Variants in ANKIB1 observed in about 807,000 individuals in gnomAD.
ANKIB1 encodes ankyrin repeat and IBR domain containing 1.
ANKIB1 carries 43 observed loss-of-function variants against 122.1 expected under a neutral mutation model. That is an observed-to-expected ratio of 0.35 (90% confidence interval 0.28 to 0.45). The LOEUF is 0.45. Among genes scored for constraint, ANKIB1 ranks in the 20% least tolerant of loss-of-function variants. ANKIB1 has a pLI of 1.00. For synonymous variants in ANKIB1, 390 were observed against 442.0 expected (o/e 0.88, Z 1.48); for missense variants, 992 against 1,329.5 (o/e 0.75, Z 3.95).
chr7:92,346,519 A>G (rs1803542926), intron 7 of ANKIB1, among the ~76,000 whole-genome samples: 2 of 152,194 alleles, frequency 1.3e-5, no homozygotes, highest in African/African-American at 4.8e-5. Context: ...GTTCCTTTTA[A>G]GACATAGACT....
At chr7:92,272,252 G>C (rs1801812121) in intron 1 of ANKIB1, among the ~76,000 whole-genome samples, 1 of 152,100 alleles carries the variant, frequency 6.6e-6, no homozygotes. Flanking sequence ...TAGCTATGGA[G>C]ATCCATGGGA....
rs1207135040 is a variant in ANKIB1 at position 92,328,395 on chromosome 7, A to T, written c.787+495A>T. On this transcript the variant is annotated intron_variant, in intron 5 of 19. Transcript: ENST00000265742. ...AGTTAAAGGGTCACCTTGGAAATAT[A>T]TTGTCCCTTTTAAGGGTGGTTTTCT... 2.6e-5 allele frequency among the ~76,000 whole-genome samples: 4 copies of T among 152,244 alleles called. No homozygotes were observed. The East Asian group carries it at 7.7e-4, about 29-fold the overall frequency.
chr7:92,300,152 A>T lies in ANKIB1; in HGVS notation c.188+4986A>T, dbSNP rs373196929. 3.2e-4 allele frequency among the ~76,000 whole-genome samples: 48 copies of T among 152,258 alleles called. 1 individual carries two copies. Among genetic ancestry groups the T allele is most frequent in the African/African-American group, 9.9e-4 (41 of 41,546 alleles). On this transcript the variant is annotated intron_variant, in intron 2 of 19. Coordinates refer to ENST00000265742, the MANE Select transcript of ANKIB1 (RefSeq NM_019004.2). ...ATAAGGGTCTTGTTAACCTAAAATA[A>T]TATAAGAACTGCTGATCTGGTTCCT...
intron 1 of ANKIB1, among the ~76,000 whole-genome samples, chr7:92,262,242 T>C (rs961417724): frequency 2.6e-5 from 4 of 152,242 alleles, no homozygotes; most frequent in African/African-American, 7.2e-5. Flanking sequence ...TAAGATTCCA[T>C]ATCTATAGCT....
At chr7:92,317,811 A>G (rs1373216076) in intron 3 of ANKIB1, among the ~76,000 whole-genome samples, 4 of 152,230 alleles carry the variant, frequency 2.6e-5, no homozygotes, top group Non-Finnish European at 5.9e-5. Flanking sequence ...GAAAGAAGAT[A>G]AAATTATTTG....
intron 1 of ANKIB1, among the ~76,000 whole-genome samples, chr7:92,280,160 T>C (rs1274316239): frequency 1.3e-5 from 2 of 152,218 alleles, no homozygotes; most frequent in African/African-American, 4.8e-5. Flanking sequence ...TCAGCTTTCC[T>C]GATTGGGATG....
intron 1 of ANKIB1, among the ~76,000 whole-genome samples, chr7:92,277,103 A>G (rs1801920685): frequency 6.6e-6 from 1 of 152,026 alleles, no homozygotes; most frequent in Non-Finnish European, 1.5e-5. Context: ...CCCTTCCGCC[A>G]TGATTGTAAG....
At chr7:92,261,057 CTA>C (rs370758715) in intron 1 of ANKIB1, among the ~76,000 whole-genome samples, 3 of 152,114 alleles carry the variant, frequency 2.0e-5, no homozygotes, top group African/African-American at 4.8e-5. Flanking sequence ...TTTGAAATTA[CTA>C]TGTTTTTTGG....
At chr7:92,357,921 T>C (rs1803856977) in intron 9 of ANKIB1, among the ~76,000 whole-genome samples, 1 of 152,154 alleles carries the variant, frequency 6.6e-6, no homozygotes, top group African/African-American at 2.4e-5. Context: ...CCAGATGCCG[T>C]AGTTTTTAAA....
In ANKIB1 at chr7:92,345,009, T is replaced by A. The variant is rs1275983174; in HGVS notation, c.1028T>A (p.Phe343Tyr). ...ATTTGTATGTGCAGTATCTCTGTAT[T>A]TGAAGACCCTGTGGATATGCCCTGT... Reference protein sequence around the residue: ...CDICMCSISVFEDPVDMPCGH... With the variant: ...CDICMCSISVYEDPVDMPCGH... The change falls in exon 7 of 20, where the codon TTT (phenylalanine) becomes TAT (tyrosine). Residue 343 changes from phenylalanine (F) to tyrosine (Y), a missense_variant. Coordinates refer to ENST00000265742, the MANE Select transcript of ANKIB1 (RefSeq NM_019004.2). 2 of 1,613,444 alleles carry A rather than the reference T, an allele frequency of 1.2e-6. No individual in the cohort carries two copies. The highest frequency in any genetic ancestry group is 1.7e-5 in the Admixed American group (1 of 59,992).
At chr7:92,248,265 T>C (rs1191404426) in intron 1 of ANKIB1, among the ~76,000 whole-genome samples, 1 of 152,138 alleles carries the variant, frequency 6.6e-6, no homozygotes, top group Non-Finnish European at 1.5e-5. Context: ...GTTTTCAATA[T>C]GTAAGGAGTC....
At chr7:92,354,931 A>G (rs1168589583) in intron 9 of ANKIB1, among the ~76,000 whole-genome samples, 2 of 152,260 alleles carry the variant, frequency 1.3e-5, no homozygotes, top group African/African-American at 2.4e-5. Context: ...AGATGACTAC[A>G]AAAACAACAA....
chr7:92,247,026 ATTC>A (rs1401035357), intron 1 of ANKIB1, among the ~76,000 whole-genome samples: 1 of 151,944 alleles, frequency 6.6e-6, no homozygotes, highest in Non-Finnish European at 1.5e-5. Flanking sequence ...CTGTATTCTT[ATTC>A]TTCTCCGTAT....
intron 5 of ANKIB1, 57 bp from the exon 6 acceptor site, chr7:92,342,967 T>C: frequency 6.6e-7 from 1 of 1,507,256 alleles, no homozygotes; most frequent in South Asian, 1.1e-5. Flanking sequence ...TTATATAGCT[T>C]TTATAACATT....
chr7:92,398,080 A>T, intron 19 of ANKIB1, 132 bp from the exon 20 acceptor site: 1 of 1,113,602 alleles, frequency 9.0e-7, no homozygotes, highest in Middle Eastern at 3.1e-4. Context: ...ACAAGATTTT[A>T]GTAGATAAAA....
intron 1 of ANKIB1, among the ~76,000 whole-genome samples, chr7:92,271,428 TTTAG>T (rs1343281373): frequency 6.6e-6 from 1 of 152,206 alleles, no homozygotes; most frequent in Admixed American, 6.5e-5. Flanking sequence ...TTAAAAATTT[TTTAG>T]TTATTCTAGT....
At chr7:92,267,133 A>G (rs988268185) in intron 1 of ANKIB1, among the ~76,000 whole-genome samples, 3 of 152,236 alleles carry the variant, frequency 2.0e-5, no homozygotes, top group African/African-American at 7.2e-5. Flanking sequence ...TTTCGAGAAG[A>G]AGATTTACTG....
intron 4 of ANKIB1, among the ~76,000 whole-genome samples, chr7:92,324,182 G>A (rs897892899): frequency 6.6e-6 from 1 of 152,194 alleles, no homozygotes; most frequent in Non-Finnish European, 1.5e-5. Context: ...AGATGCTGCT[G>A]AATTGTACAC....
At chr7:92,395,000 A>G (rs1162585355) in intron 17 of ANKIB1, among the ~76,000 whole-genome samples, 1 of 152,240 alleles carries the variant, frequency 6.6e-6, no homozygotes, top group African/African-American at 2.4e-5. Context: ...TGAATATTCT[A>G]GGGTAACCAG....
Sources: gnomAD v4.1 joint callset for allele counts (sites outside exome capture counted in the v4.1 genomes callset) on GRCh38, gnomAD v4.1.1 for gene constraint, MANE v1.5 for transcripts, NCBI Gene and HGNC (gene_info 2026-07-23, HGNC 2026-07-21) for gene names.